The following PTPRR variants were observed in gnomAD, a reference collection of about 807,000 sequenced individuals.
PTPRR encodes protein tyrosine phosphatase receptor type R.
Under a neutral mutation model 77.2 loss-of-function variants are expected in PTPRR, and 38 were observed. The observed-to-expected ratio is 0.49, with a 90% confidence interval of 0.38 to 0.65. PTPRR has a LOEUF of 0.65. Ranked by LOEUF, PTPRR falls within the 30% of genes least tolerant of loss-of-function variation. The pLI is 0.00. For synonymous variants in PTPRR, 299 were observed against 283.1 expected, an observed-to-expected ratio of 1.06 and a Z score of -0.57; for missense variants, 744 against 799.2, an observed-to-expected ratio of 0.93 and a Z score of 0.83.
At chr12:70,697,398 A>C (rs1888265284) in intron 8 of PTPRR, among the ~76,000 whole-genome samples, 1 of 151,670 alleles carries the variant, frequency 6.6e-6, no homozygotes, top group Non-Finnish European at 1.5e-5. Context: ...TCTTTTGTCC[A>C]TTTTTTGGGT....
intron 2 of PTPRR, among the ~76,000 whole-genome samples, chr12:70,826,902 C>A (rs1245142583): frequency 6.6e-6 from 1 of 152,214 alleles, no homozygotes; most frequent in Non-Finnish European, 1.5e-5. Flanking sequence ...CACTGGCCTG[C>A]TTTCTGTCCT....
At chr12:70,785,854 G>C (rs1891310230) in intron 2 of PTPRR, among the ~76,000 whole-genome samples, 1 of 152,164 alleles carries the variant, frequency 6.6e-6, no homozygotes, top group Admixed American at 6.5e-5. Context: ...GTTTTTAACA[G>C]AGTTTTCAAT....
intron 5 of PTPRR, among the ~76,000 whole-genome samples, chr12:70,746,355 C>G (rs754877427): frequency 1.3e-5 from 2 of 152,060 alleles, no homozygotes; most frequent in Non-Finnish European, 2.9e-5. Context: ...GTAAATTTAA[C>G]CAATTTTATG....
chr12:70,755,067 AT>A (rs776093180), intron 4 of PTPRR, among the ~76,000 whole-genome samples: 1 of 152,082 alleles, frequency 6.6e-6, no homozygotes, highest in African/African-American at 2.4e-5. Context: ...TATTTTATTA[AT>A]TTTTTTAAAG....
chr12:70,889,855 AT>A (rs1186303377), intron 2 of PTPRR, among the ~76,000 whole-genome samples: 2 of 151,986 alleles, frequency 1.3e-5, no homozygotes, highest in Non-Finnish European at 2.9e-5. Flanking sequence ...CACAGAGTAA[AT>A]CATAATCTTC....
rs140075413 is a variant in PTPRR, at chr12:70,877,793, T to C, written c.357+14886A>G. ...CCAAAAAAGAGCCTGCATTGCCAAG[T>C]CCATCCTAAGCCAAAAGAACAAAGC... On this transcript the variant is annotated intron_variant, in intron 2 of 13. Coordinates refer to ENST00000283228, the MANE Select transcript of PTPRR (RefSeq NM_002849.4). Among the ~76,000 whole-genome samples, 220 of 152,238 alleles carry C rather than the reference T, an allele frequency of 1.4e-3. 6 individuals carry two copies. The East Asian group carries it at 0.032, about 22-fold the overall frequency.
At chr12:70,852,321 T>A (rs1462314236) in intron 2 of PTPRR, among the ~76,000 whole-genome samples, 6 of 152,120 alleles carry the variant, frequency 3.9e-5, no homozygotes, top group African/African-American at 1.4e-4. Flanking sequence ...TGGCTTTGCA[T>A]GCTATATGAA....
At chr12:70,919,712 C>T (rs1267704143) in intron 1 of PTPRR, among the ~76,000 whole-genome samples, 1 of 126,922 alleles carries the variant, frequency 7.9e-6, no homozygotes, top group South Asian at 2.5e-4. Flanking sequence ...TTTTAATATG[C>T]CAGCGGACGC....
intron 7 of PTPRR, among the ~76,000 whole-genome samples, chr12:70,698,601 C>T (rs1315686672): frequency 6.6e-6 from 1 of 152,130 alleles, no homozygotes; most frequent in Admixed American, 6.5e-5. Flanking sequence ...AGACATATAA[C>T]ACTGGTTAGA....
At chr12:70,843,966 C>T (rs1892441522) in intron 2 of PTPRR, among the ~76,000 whole-genome samples, 1 of 151,880 alleles carries the variant, frequency 6.6e-6, no homozygotes, top group South Asian at 2.1e-4. Flanking sequence ...CAGGTGTCTG[C>T]CACCACGCCC....
intron 13 of PTPRR, among the ~76,000 whole-genome samples, chr12:70,642,100 T>A (rs777368120): frequency 3.3e-5 from 5 of 152,104 alleles, no homozygotes; most frequent in Admixed American, 1.3e-4. Context: ...CTCTTCCAGC[T>A]GCACGTTAGA....
intron 2 of PTPRR, among the ~76,000 whole-genome samples, chr12:70,811,138 A>G (rs930286727): frequency 6.6e-6 from 1 of 152,198 alleles, no homozygotes; most frequent in African/African-American, 2.4e-5. Context: ...TAAATGTTAG[A>G]TGTTTGCATT....
chr12:70,754,049 A>G, intron 5 of PTPRR, 142 bp downstream of exon 5: 1 of 803,218 alleles, frequency 1.2e-6, no homozygotes, highest in Non-Finnish European at 1.9e-6. Context: ...CTGATGTCAG[A>G]TATGAAATAT....
intron 10 of PTPRR, among the ~76,000 whole-genome samples, chr12:70,679,109 CT>C (rs1429508752): frequency 2.0e-5 from 3 of 152,140 alleles, no homozygotes; most frequent in Non-Finnish European, 4.4e-5. Context: ...ATTCCAAAGA[CT>C]TTGATATGCT....
At chr12:70,685,293 T>A (rs576876997) in intron 8 of PTPRR, among the ~76,000 whole-genome samples, 1 of 152,026 alleles carries the variant, frequency 6.6e-6, no homozygotes, top group South Asian at 2.1e-4. Context: ...TTACGTGCTA[T>A]CTGTGTGAGG....
At chr12:70,669,487 T>A (rs966005548) in intron 10 of PTPRR, among the ~76,000 whole-genome samples, 28 of 143,656 alleles carry the variant, frequency 1.9e-4, no homozygotes, top group African/African-American at 7.8e-4. Context: ...TATGTGTGTG[T>A]GTGTATATAT....
In PTPRR at chr12:70,825,272, T is replaced by C. The variant is rs1892089485; in HGVS notation, c.358-60494A>G. 2.0e-5 allele frequency among the ~76,000 whole-genome samples: 3 copies of C among 152,092 alleles called. No homozygotes were observed. In the South Asian group the frequency reaches 6.2e-4, roughly 32 times the overall value. On this transcript the variant is annotated intron_variant, in intron 2 of 13. Coordinates refer to ENST00000283228, the MANE Select transcript of PTPRR (RefSeq NM_002849.4). ...CAGCCTGGGCGACAGAGCAAGATTC[T>C]AGTCTCAAAAAAATAAAAATAAAAA...
intron 6 of PTPRR, among the ~76,000 whole-genome samples, chr12:70,717,820 G>A (rs1485819461): frequency 6.6e-6 from 1 of 152,058 alleles, no homozygotes; most frequent in Non-Finnish European, 1.5e-5. Flanking sequence ...ATACAAAGGA[G>A]TTTCCAAACT....
At chr12:70,871,444 A>T (rs1377267948) in intron 2 of PTPRR, among the ~76,000 whole-genome samples, 1 of 152,072 alleles carries the variant, frequency 6.6e-6, no homozygotes, top group East Asian at 1.9e-4. Flanking sequence ...GCTATTCCAA[A>T]CCTAGATCAT....
Sources: allele counts gnomAD v4.1 joint callset (sites outside exome capture counted in the v4.1 genomes callset), GRCh38; gene constraint gnomAD v4.1.1; transcripts MANE v1.5; gene names NCBI Gene and HGNC (gene_info 2026-07-23, HGNC 2026-07-21).